The following MDFIC2 variants were observed in gnomAD, a reference collection of about 807,000 sequenced individuals.
The protein encoded by MDFIC2 is myoD family inhibitor domain-containing protein 2.
Position 70,274,889 on chromosome 3 carries a change from G to A in MDFIC2, c.88+36997C>T, listed in dbSNP as rs577591448. Among the ~76,000 whole-genome samples the A allele has an allele frequency of 5.9e-5, 9 of 152,226 alleles. No individual in the cohort carries two copies. The East Asian group carries it at 1.7e-3, about 29-fold the overall frequency. On this transcript the variant is annotated intron_variant, in intron 2 of 3. Transcript: ENST00000567252. ...TCCTACTATTCTTTCTGTAAACTCTGGGATTTGCTCTGTTAAAGATCTTTA... is the reference window on the plus strand; with the variant it reads ...TCCTACTATTCTTTCTGTAAACTCTAGGATTTGCTCTGTTAAAGATCTTTA...
chr3:70,236,051 TAATG>T (rs1482969655), intron 2 of MDFIC2, among the ~76,000 whole-genome samples: 1 of 152,180 alleles, frequency 6.6e-6, no homozygotes, highest in Non-Finnish European at 1.5e-5. Context: ...CTACTTCTCT[TAATG>T]AATAATCTTT....
At chr3:70,234,581 A>G (rs552538654) in intron 2 of MDFIC2, among the ~76,000 whole-genome samples, 1 of 151,918 alleles carries the variant, frequency 6.6e-6, no homozygotes, top group East Asian at 1.9e-4. Flanking sequence ...TCGAGGCTGC[A>G]GTGAGCCATG....
chr3:70,207,035 T>G (rs911478929), intron 2 of MDFIC2, among the ~76,000 whole-genome samples: 2 of 75,392 alleles, frequency 2.7e-5, no homozygotes, highest in Non-Finnish European at 5.0e-5. Flanking sequence ...TATTTCTACT[T>G]TTTTTTTTTT....
chr3:70,298,082 T>C (rs1702306743), intron 2 of MDFIC2, among the ~76,000 whole-genome samples: 2 of 152,092 alleles, frequency 1.3e-5, no homozygotes, highest in South Asian at 2.1e-4. Context: ...AACAGGGCTG[T>C]GTATAATATA....
chr3:70,242,257 T>G (rs920964700), intron 2 of MDFIC2, among the ~76,000 whole-genome samples: 2 of 152,188 alleles, frequency 1.3e-5, no homozygotes, highest in Non-Finnish European at 2.9e-5. Flanking sequence ...TAATCTCCCC[T>G]AAAATCAAGT....
intron 2 of MDFIC2, among the ~76,000 whole-genome samples, chr3:70,224,315 T>C (rs1407492268): frequency 6.6e-6 from 1 of 152,196 alleles, no homozygotes; most frequent in East Asian, 1.9e-4. Context: ...ATAAATCCAA[T>C]ACATTTGGAG....
At chr3:70,219,110 T>C (rs1701439834) in intron 2 of MDFIC2, among the ~76,000 whole-genome samples, 1 of 152,220 alleles carries the variant, frequency 6.6e-6, no homozygotes, top group African/African-American at 2.4e-5. Flanking sequence ...CTTTCAAGTT[T>C]AAGGTATTGT....
At chr3:70,297,328 T>C (rs1030772899) in intron 2 of MDFIC2, among the ~76,000 whole-genome samples, 1 of 152,038 alleles carries the variant, frequency 6.6e-6, no homozygotes, top group African/African-American at 2.4e-5. Context: ...TAGATAGAGA[T>C]TGTGAGATGC....
intron 3 of MDFIC2, among the ~76,000 whole-genome samples, chr3:70,202,362 C>T (rs1701248404): frequency 2.0e-5 from 3 of 152,156 alleles, no homozygotes; most frequent in Non-Finnish European, 4.4e-5. Flanking sequence ...TACTAGTGGT[C>T]TCCAAGTTCA....
chr3:70,223,428 A>G (rs1348213389), intron 2 of MDFIC2, among the ~76,000 whole-genome samples: 4 of 152,168 alleles, frequency 2.6e-5, no homozygotes, highest in Admixed American at 2.0e-4. Context: ...TTTTGAGCCT[A>G]CATATGTTTA....
chr3:70,210,033 A>G (rs1166071276), intron 2 of MDFIC2, among the ~76,000 whole-genome samples: 1 of 152,158 alleles, frequency 6.6e-6, no homozygotes, highest in Non-Finnish European at 1.5e-5. Flanking sequence ...AGTTCAAATT[A>G]TCACACGTAG....
intron 2 of MDFIC2, among the ~76,000 whole-genome samples, chr3:70,310,343 T>C (rs955001539): frequency 1.1e-4 from 16 of 151,674 alleles, no homozygotes; most frequent in African/African-American, 3.9e-4. Context: ...AATAAGTATA[T>C]TTTTATTATT....
At chr3:70,211,505 T>TCCC (rs778190693) in intron 2 of MDFIC2, among the ~76,000 whole-genome samples, 1 of 18,502 alleles carries the variant, frequency 5.4e-5, no homozygotes, top group Non-Finnish European at 1.4e-4. Context: ...TCCCTTCCCT[T>TCCC]TGCCCTTCCC....
intron 2 of MDFIC2, among the ~76,000 whole-genome samples, chr3:70,240,272 A>G (rs1317226138): frequency 2.6e-5 from 4 of 151,910 alleles, no homozygotes; most frequent in African/African-American, 7.3e-5. Flanking sequence ...AGCTTTTCCT[A>G]TATTATCTCA....
At chr3:70,262,237 A>G (rs548927540) in intron 2 of MDFIC2, among the ~76,000 whole-genome samples, 2 of 152,328 alleles carry the variant, frequency 1.3e-5, no homozygotes, top group Non-Finnish European at 2.9e-5. Context: ...GAATAATTAT[A>G]CCAATAACGT....
At chr3:70,273,619 T>C (rs1210213615) in intron 2 of MDFIC2, among the ~76,000 whole-genome samples, 1 of 152,142 alleles carries the variant, frequency 6.6e-6, no homozygotes, top group Non-Finnish European at 1.5e-5. Flanking sequence ...TATAAGAGCA[T>C]TTTGACAGTA....
intron 2 of MDFIC2, among the ~76,000 whole-genome samples, chr3:70,213,223 T>G (rs1390863881): frequency 6.6e-6 from 1 of 152,130 alleles, no homozygotes; most frequent in Non-Finnish European, 1.5e-5. Flanking sequence ...TCCTTTCACC[T>G]CAGCCTCCTG....
chr3:70,263,324 TA>T (rs1337828105), intron 2 of MDFIC2, among the ~76,000 whole-genome samples: 1 of 152,202 alleles, frequency 6.6e-6, no homozygotes, highest in Non-Finnish European at 1.5e-5. Flanking sequence ...GACTTTGTTC[TA>T]GTGACAATTG....
intron 2 of MDFIC2, among the ~76,000 whole-genome samples, chr3:70,302,365 A>G (rs1702357569): frequency 1.3e-5 from 2 of 152,268 alleles, no homozygotes; most frequent in South Asian, 4.1e-4. Flanking sequence ...ATGGGCCATA[A>G]TCTTATAAAA....
Sources: gnomAD v4.1 joint callset for allele counts (sites outside exome capture counted in the v4.1 genomes callset) on GRCh38, gnomAD v4.1.1 for gene constraint, MANE v1.5 for transcripts, NCBI Gene and HGNC (gene_info 2026-07-23, HGNC 2026-07-21) for gene names.